Variants in MTMR9 observed in about 807,000 individuals in gnomAD.
MTMR9 encodes myotubularin related protein 9.
Under a neutral mutation model 69.5 loss-of-function variants are expected in MTMR9, and 39 were observed. That is an observed-to-expected ratio of 0.56 (90% CI 0.43 to 0.73). The LOEUF is 0.73. Ranked by LOEUF, MTMR9 falls within the 30% of genes least tolerant of loss-of-function variation. MTMR9 has a pLI of 0.00. For synonymous variants in MTMR9, 354 were observed against 240.8 expected, an observed-to-expected ratio of 1.47 and a Z score of -4.35; for missense variants, 900 against 671.2, an observed-to-expected ratio of 1.34 and a Z score of -3.77.
At chr8:11,329,926 GCGA>G (rs1460045362), downstream of MTMR9, among the ~76,000 whole-genome samples, 1 of 150,916 alleles carries the variant, frequency 6.6e-6, no homozygotes, top group African/African-American at 2.4e-5. Flanking sequence ...CTGCCCGGCT[GCGA>G]CCCCGTCTGG....
At chr8:11,305,229 C>G (rs376967999) in intron 4 of MTMR9, among the ~76,000 whole-genome samples, 4 of 152,078 alleles carry the variant, frequency 2.6e-5, no homozygotes, top group Admixed American at 2.6e-4. Context: ...CCTGCTCAGC[C>G]GTATAAAAGC....
At chr8:11,301,299 C>T (rs569888952) in intron 3 of MTMR9, among the ~76,000 whole-genome samples, 8 of 152,160 alleles carry the variant, frequency 5.3e-5, no homozygotes, top group South Asian at 2.1e-4. Context: ...TTGCTGTAAG[C>T]GAAGACATAC....
chr8:11,290,158 T>C (rs553464774), intron 1 of MTMR9, among the ~76,000 whole-genome samples: 5 of 152,368 alleles, frequency 3.3e-5, no homozygotes, highest in African/African-American at 1.2e-4. Context: ...CTGAAGATTG[T>C]GAAATAGTTA....
chr8:11,305,983 A>C (rs1046603289), intron 4 of MTMR9, among the ~76,000 whole-genome samples: 1 of 152,250 alleles, frequency 6.6e-6, no homozygotes, highest in Non-Finnish European at 1.5e-5. Context: ...TTTGAGACAG[A>C]GAAATTGTGT....
downstream of MTMR9, among the ~76,000 whole-genome samples, chr8:11,330,593 G>A (rs192112984): frequency 6.6e-6 from 1 of 152,344 alleles, no homozygotes; most frequent in Non-Finnish European, 1.5e-5. Context: ...TCTGCCTTGG[G>A]ATACTGTTGA....
chr8:11,319,628 C>CAATTTATAACA, intron 8 of MTMR9, 59 bp from the exon 9 acceptor site: 1 of 1,541,828 alleles, frequency 6.5e-7, no homozygotes, highest in Middle Eastern at 2.3e-4. Context: ...GTAAGAGGAG[C>CAATTTATAACA]ACTCAATAAT....
At chr8:11,310,764 TC>T (rs1800164890) in intron 6 of MTMR9, among the ~76,000 whole-genome samples, 1 of 151,524 alleles carries the variant, frequency 6.6e-6, no homozygotes, top group Non-Finnish European at 1.5e-5. Flanking sequence ...TACAGAGGCT[TC>T]TGTTTTTTTT....
intron 5 of MTMR9, 99 bp from the exon 6 acceptor site, chr8:11,309,428 C>T (rs1398098518): frequency 1.0e-5 from 10 of 996,838 alleles, no homozygotes; most frequent in Non-Finnish European, 1.5e-5. Context: ...TTTTGAACTA[C>T]TTTTGCTCTT....
the MTMR9 span, among the ~76,000 whole-genome samples, chr8:11,337,356 G>A: frequency 6.6e-6 from 1 of 152,224 alleles, no homozygotes; most frequent in Non-Finnish European, 1.5e-5. Context: ...GGTGGTACAA[G>A]GTGCAGCAAC....
At chr8:11,292,314 A>G (rs1010332542) in intron 1 of MTMR9, among the ~76,000 whole-genome samples, 18 of 152,188 alleles carry the variant, frequency 1.2e-4, no homozygotes, top group African/African-American at 4.3e-4. Flanking sequence ...TTGAATGAAC[A>G]TGTGGTTTCT....
chr8:11,284,915 C>T lies in MTMR9; in HGVS notation c.27C>T (p.Thr9=), dbSNP rs1398097995. Residue 9 remains threonine, a synonymous_variant, in exon 1 of 10, where the codon ACC becomes ACT. Transcript: ENST00000221086. MEFAELIK[T]PRVDNVVLHR... ...TGGAGTTTGCGGAGCTGATTAAGAC[C>T]CCGCGGGTGGACAATGTGGTGCTGC... 6.2e-7 allele frequency: 1 copy of T among 1,611,446 alleles called. No individual in the cohort carries two copies. Among genetic ancestry groups the T allele is most frequent in the Non-Finnish European group, 8.5e-7 (1 of 1,178,914 alleles).
chr8:11,315,118 G>A (rs1353868972), intron 7 of MTMR9, 54 bp downstream of exon 7: 2 of 1,580,554 alleles, frequency 1.3e-6, no homozygotes, highest in East Asian at 4.5e-5. Flanking sequence ...CTGTGATCCT[G>A]CTTTGTGTGG....
rs1224354932 is a variant in MTMR9, at chr8:11,327,666, T to A, written c.*4878T>A. 6.6e-6 allele frequency: 1 copy of A among 152,652 alleles called. No homozygotes were observed. Among genetic ancestry groups the A allele is most frequent in the Non-Finnish European group, 1.5e-5 (1 of 68,038 alleles). The allele number at this position is 152,652 out of a possible 1,614,324, so 9.5% of individuals were successfully genotyped here. A position where few individuals can be genotyped will look rare whatever the true frequency, so the allele number is the denominator to read the frequency against. On this transcript the variant is annotated 3_prime_UTR_variant, in exon 10 of 10. Coordinates refer to ENST00000221086, the MANE Select transcript of MTMR9 (RefSeq NM_015458.4). ...TATTTGGATTGTTCTCTTGATAATA[T>A]TTGAATGTGACTCTTGGATTTAAGT...
chr8:11,326,532 G>A lies in MTMR9; in HGVS notation c.*3744G>A, dbSNP rs972067092. On this transcript the variant is annotated 3_prime_UTR_variant, in exon 10 of 10. Transcript: ENST00000221086. Reference sequence around the variant, plus strand: ...ACCCTCAGAACTGAAGAGGTTCAGAGAACTTTCCAGGTTTATACTATACCT... The same window carrying A: ...ACCCTCAGAACTGAAGAGGTTCAGAAAACTTTCCAGGTTTATACTATACCT... 6 of 152,138 alleles carry A rather than the reference G, an allele frequency of 3.9e-5. No homozygotes were observed. Among genetic ancestry groups the A allele is most frequent in the South Asian group, 2.1e-4 (1 of 4,830 alleles). The allele number at this position is 152,138 out of a possible 1,614,324, so 9.4% of individuals were successfully genotyped here.
intron 8 of MTMR9, chr8:11,319,272 T>G (rs1800561747): frequency 6.5e-6 from 1 of 153,968 alleles, no homozygotes; most frequent in Non-Finnish European, 1.4e-5. Context: ...AAAAAGTGTA[T>G]AATTTTTATG....
In MTMR9 at chr8:11,316,864, A is replaced by T; in HGVS notation, c.1305A>T (p.Gly435=). 6.2e-7 allele frequency: 1 copy of T among 1,608,416 alleles called. No homozygotes were observed. The highest frequency in any genetic ancestry group is 1.1e-5 in the South Asian group (1 of 90,026). Reference sequence around the variant, plus strand: ...AGCATGCTTATGCCTCACAGTTTGGAACATTTCTGGGCAACAATGAAAGTG... The same window carrying T: ...AGCATGCTTATGCCTCACAGTTTGGTACATTTCTGGGCAACAATGAAAGTG... ...LFEHAYASQF[G]TFLGNNESER... is the part of the protein sequence containing the mutation. Residue 435 remains glycine (G), a synonymous_variant, in exon 8 of 10, where the codon GGA becomes GGT. Coordinates refer to ENST00000221086, the MANE Select transcript of MTMR9 (RefSeq NM_015458.4).
At chr8:11,329,576 G>T (rs1801112648), downstream of MTMR9, among the ~76,000 whole-genome samples, 1 of 152,254 alleles carries the variant, frequency 6.6e-6, no homozygotes. Flanking sequence ...TCGGCCTCCT[G>T]AGGTGCCGGG....
chr8:11,315,418 G>A (rs1190235620), intron 7 of MTMR9, among the ~76,000 whole-genome samples: 1 of 152,154 alleles, frequency 6.6e-6, no homozygotes, highest in Non-Finnish European at 1.5e-5. Context: ...TGCAAGGAAA[G>A]CGCTTTAACC....
At chr8:11,331,879 C>T (rs1201390191), downstream of MTMR9, 14 of 1,611,914 alleles carry the variant, frequency 8.7e-6, no homozygotes, top group Admixed American at 1.7e-5. Flanking sequence ...TGTGTGGGGG[C>T]AGAGGGGATC....
Sources: allele counts gnomAD v4.1 joint callset (sites outside exome capture counted in the v4.1 genomes callset), GRCh38; gene constraint gnomAD v4.1.1; transcripts MANE v1.5; gene names NCBI Gene and HGNC (gene_info 2026-07-23, HGNC 2026-07-21).